Variants in RRAGD observed in about 807,000 individuals in gnomAD.
RRAGD encodes Ras related GTP binding D, also known as ras-related GTP-binding protein D.
A neutral mutation model predicts 35.5 loss-of-function variants in RRAGD; 12 were observed. That is an observed-to-expected ratio of 0.34 (90% CI 0.22 to 0.55). The LOEUF (loss-of-function observed/expected upper bound fraction) is 0.55. Among genes scored for constraint, RRAGD ranks in the 20% least tolerant of loss-of-function variants. RRAGD has a pLI of 0.91. For missense variants in RRAGD, 324 were observed against 490.1 expected, an observed-to-expected ratio of 0.66 and a Z score of 3.20; for synonymous variants, 155 against 178.9, an observed-to-expected ratio of 0.87 and a Z score of 1.07.
chr6:89,404,438 C>T (rs1052608085), intron 1 of RRAGD, among the ~76,000 whole-genome samples: 12 of 152,176 alleles, frequency 7.9e-5, no homozygotes, highest in African/African-American at 2.4e-4. Context: ...AGAGGATCAG[C>T]TTTATGCCTA....
chr6:89,375,479 A>T (rs1768920259), intron 5 of RRAGD, among the ~76,000 whole-genome samples: 1 of 140,582 alleles, frequency 7.1e-6, no homozygotes, highest in Non-Finnish European at 1.5e-5. Flanking sequence ...GTGCGTGTGC[A>T]TGTGTGTGCA....
At chr6:89,372,287 C>T (rs542840657) in intron 6 of RRAGD, 150 bp downstream of exon 6, 5 of 848,560 alleles carry the variant, frequency 5.9e-6, no homozygotes, top group South Asian at 5.5e-5. Context: ...GAGCCCGCCC[C>T]GCTCTGAACT....
intron 1 of RRAGD, among the ~76,000 whole-genome samples, chr6:89,409,808 A>G (rs1237828710): frequency 6.6e-6 from 1 of 152,242 alleles, no homozygotes; most frequent in African/African-American, 2.4e-5. Flanking sequence ...AGGCCAAAAT[A>G]TAACGGAGGA....
chr6:89,404,500 TC>T (rs1245861577), intron 1 of RRAGD, among the ~76,000 whole-genome samples: 3 of 152,156 alleles, frequency 2.0e-5, no homozygotes, highest in Non-Finnish European at 4.4e-5. Context: ...TCACCTCTCC[TC>T]CACTTGGTGC....
chr6:89,380,112 C>T lies in RRAGD; in HGVS notation c.644+56G>A, dbSNP rs1010056821. 24 of 1,558,174 alleles carry T rather than the reference C, an allele frequency of 1.5e-5. No individual in the cohort carries two copies. In the African/African-American group the frequency reaches 2.9e-4, roughly 19 times the overall value. ...AAGCCAATCATGGTGACTCCGAACC[C>T]CAAACTTGCTTTCTTCCATCCTTTA... On this transcript the variant is annotated intron_variant, in intron 3 of 6. Transcript: ENST00000369415.
At chr6:89,388,541 C>T (rs1021081082) in intron 1 of RRAGD, among the ~76,000 whole-genome samples, 4 of 152,080 alleles carry the variant, frequency 2.6e-5, no homozygotes, top group East Asian at 1.9e-4. Context: ...TCAGTTTCAT[C>T]GTGGCAAGTA....
intron 1 of RRAGD, among the ~76,000 whole-genome samples, chr6:89,397,916 G>A (rs548770815): frequency 5.4e-4 from 82 of 152,330 alleles, no homozygotes; most frequent in African/African-American, 1.7e-3. Context: ...GGAGGCCAAG[G>A]TGGGTGGATC....
At chr6:89,406,761 A>G (rs1443354093) in intron 1 of RRAGD, among the ~76,000 whole-genome samples, 2 of 152,246 alleles carry the variant, frequency 1.3e-5, no homozygotes, top group Non-Finnish European at 2.9e-5. Context: ...TGAGCTGGTT[A>G]ACACAAGCCC....
At position 89,411,930 on chromosome 6, in the gene RRAGD, C is replaced by T; in HGVS notation, c.64G>A (p.Glu22Lys). The T allele has an allele frequency of 6.5e-7, 1 of 1,539,682 alleles. No homozygotes were observed. The highest frequency in any genetic ancestry group is 8.7e-7 in the Non-Finnish European group (1 of 1,145,440). ...DEDDAEEEEEEDELVGLADYG... is the reference protein window; with the variant it reads ...DEDDAEEEEEKDELVGLADYG... ...TCCGCTAGCCCCACCAGCTCATCCT[C>T]CTCCTCCTCCTCCTCCGCGTCGTCC... The change falls in exon 1 of 7, where the codon GAG (glutamate) becomes AAG (lysine). Residue 22 changes from glutamate to lysine, a missense_variant. This residue lies in a region of RRAGD where 96 missense variants were observed against 78.7 expected (regional missense o/e 1.22). Coordinates refer to ENST00000369415, the MANE Select transcript of RRAGD (RefSeq NM_021244.5). The surrounding 1 kb of genome is among the most constrained non-coding windows in gnomAD (Gnocchi z 5.6).
At chr6:89,369,428 A>C (rs920269895) in intron 6 of RRAGD, among the ~76,000 whole-genome samples, 2 of 152,204 alleles carry the variant, frequency 1.3e-5, no homozygotes, top group East Asian at 3.8e-4. Context: ...GGTACAATGA[A>C]ATACTCAACT....
At chr6:89,394,470 C>T (rs1401737411) in intron 1 of RRAGD, among the ~76,000 whole-genome samples, 3 of 151,968 alleles carry the variant, frequency 2.0e-5, no homozygotes, top group African/African-American at 4.8e-5. Flanking sequence ...ATTAATATAC[C>T]AATCATATTA....
At chr6:89,379,188 C>A in intron 4 of RRAGD, 36 bp downstream of exon 4, 1 of 1,116,828 alleles carries the variant, frequency 9.0e-7, no homozygotes, top group South Asian at 1.4e-5. Context: ...TTTTCAAATT[C>A]TACAAGTGAC....
chr6:89,390,474 A>G (rs766708563), intron 1 of RRAGD, among the ~76,000 whole-genome samples: 4 of 152,234 alleles, frequency 2.6e-5, no homozygotes, highest in Non-Finnish European at 4.4e-5. Context: ...CCCACTTCAC[A>G]CCTACTAGGA....
At chr6:89,405,753 G>A (rs533782160) in intron 1 of RRAGD, among the ~76,000 whole-genome samples, 3 of 152,226 alleles carry the variant, frequency 2.0e-5, no homozygotes, top group South Asian at 2.1e-4. Context: ...ACGCTTAAGC[G>A]TCTATGTGCT....
intron 2 of RRAGD, among the ~76,000 whole-genome samples, chr6:89,382,007 G>A (rs1582509694): frequency 6.9e-6 from 1 of 145,360 alleles, no homozygotes; most frequent in Non-Finnish European, 1.5e-5. Context: ...AACAGGTCTT[G>A]TTTTTATGGC....
chr6:89,367,989 T>C lies in RRAGD; in HGVS notation c.*67A>G, dbSNP rs895877995. The C allele has an allele frequency of 2.9e-5, 40 of 1,388,948 alleles. No homozygotes were observed. The South Asian group carries it at 3.9e-4, about 14-fold the overall frequency. 86.0% of individuals were successfully genotyped at this position (1,388,948 alleles called of 1,614,324 possible). On this transcript the variant is annotated 3_prime_UTR_variant, in exon 7 of 7. Transcript: ENST00000369415. ...CCCAATCTCCTTCTTCCTCTTCCTT[T>C]AGTGCAACATGGCGCAGCAGCCTCA...
At chr6:89,388,582 G>C (rs1293800740) in intron 1 of RRAGD, among the ~76,000 whole-genome samples, 1 of 152,118 alleles carries the variant, frequency 6.6e-6, no homozygotes, top group Non-Finnish European at 1.5e-5. Context: ...AGTGGCTAAC[G>C]TATTGGACAG....
At chr6:89,370,007 C>T (rs752185379) in intron 6 of RRAGD, among the ~76,000 whole-genome samples, 11 of 152,144 alleles carry the variant, frequency 7.2e-5, no homozygotes, top group Non-Finnish European at 1.5e-4. Flanking sequence ...AGGCACCAGG[C>T]ACACCAGGAG....
chr6:89,401,246 G>A lies in RRAGD; in HGVS notation c.148+10600C>T, dbSNP rs142205197. On this transcript the variant is annotated intron_variant, in intron 1 of 6. Transcript: ENST00000369415. ...AAGATGAGGCAACACTCTGTCCAGG[G>A]GCTTCCCCACAATATATTTTTTTTT... 5.4e-3 allele frequency among the ~76,000 whole-genome samples: 812 copies of A among 150,626 alleles called. 7 individuals carry two copies. Among genetic ancestry groups the A allele is most frequent in the Admixed American group, 7.9e-3 (118 of 14,980 alleles).
Sources: allele counts gnomAD v4.1 joint callset (sites outside exome capture counted in the v4.1 genomes callset), GRCh38; gene constraint gnomAD v4.1.1; regional missense constraint gnomAD v4.1.1; non-coding constraint Gnocchi (gnomAD v3.1); transcripts MANE v1.5; gene names NCBI Gene and HGNC (gene_info 2026-07-23, HGNC 2026-07-21).